Variants in KHDRBS3 observed in about 807,000 individuals in gnomAD.
The protein encoded by KHDRBS3 is KH domain-containing, RNA-binding, signal transduction-associated protein 3.
Under a neutral mutation model 45.6 loss-of-function variants are expected in KHDRBS3, and 23 were observed. The observed-to-expected ratio is 0.50, with a 90% CI of 0.36 to 0.72. KHDRBS3 has a LOEUF of 0.72. KHDRBS3 is among the 30% of genes least tolerant of loss of function. The pLI, the probability that KHDRBS3 is intolerant of heterozygous loss-of-function variation, is 0.00. For missense variants in KHDRBS3, 352 were observed against 424.8 expected, an observed-to-expected ratio of 0.83 and a Z score of 1.51; for synonymous variants, 162 against 156.5, an observed-to-expected ratio of 1.04 and a Z score of -0.26.
chr8:135,508,459 C>G (rs1322861926), intron 1 of KHDRBS3, among the ~76,000 whole-genome samples: 2 of 152,150 alleles, frequency 1.3e-5, no homozygotes, highest in Non-Finnish European at 2.9e-5. Context: ...AATCATAAAA[C>G]CTTTTTTAAT....
intron 7 of KHDRBS3, among the ~76,000 whole-genome samples, chr8:135,615,172 G>C (rs984915482): frequency 2.0e-5 from 3 of 151,710 alleles, no homozygotes; most frequent in African/African-American, 7.3e-5. Context: ...TTTAAAACTG[G>C]ATTTTACAAG....
At chr8:135,628,455 ATGT>A (rs1830463466) in intron 7 of KHDRBS3, among the ~76,000 whole-genome samples, 1 of 152,352 alleles carries the variant, frequency 6.6e-6, no homozygotes. Flanking sequence ...TGGCAGAAAA[ATGT>A]TGTTTTTAAA....
At chr8:135,547,409 G>T (rs962017842) in intron 3 of KHDRBS3, among the ~76,000 whole-genome samples, 2 of 152,064 alleles carry the variant, frequency 1.3e-5, no homozygotes, top group Non-Finnish European at 2.9e-5. Context: ...CAGTAGTTCT[G>T]CATTAATATA....
chr8:135,578,065 G>T (rs1322673831), intron 5 of KHDRBS3, among the ~76,000 whole-genome samples: 2 of 152,090 alleles, frequency 1.3e-5, no homozygotes. Flanking sequence ...TATTTTGCCT[G>T]CTTTTTAAGT....
chr8:135,531,956 A>T (rs2130715444), intron 2 of KHDRBS3, among the ~76,000 whole-genome samples: 1 of 152,340 alleles, frequency 6.6e-6, no homozygotes, highest in Middle Eastern at 3.4e-3. Context: ...GGAATGACTT[A>T]TTCTTAGGAC....
intron 6 of KHDRBS3, among the ~76,000 whole-genome samples, chr8:135,599,838 G>A (rs1424708238): frequency 4.6e-5 from 7 of 152,246 alleles, no homozygotes; most frequent in African/African-American, 4.8e-5. Flanking sequence ...CAGCCTGTGC[G>A]GAGGAATTGC....
intron 5 of KHDRBS3, among the ~76,000 whole-genome samples, chr8:135,578,188 C>T (rs902381533): frequency 1.3e-5 from 2 of 151,996 alleles, no homozygotes; most frequent in African/African-American, 4.8e-5. Flanking sequence ...TGTGGCTTGT[C>T]TCTTTATCTC....
intron 2 of KHDRBS3, among the ~76,000 whole-genome samples, chr8:135,529,136 T>C (rs142141219): frequency 6.6e-6 from 1 of 152,342 alleles, no homozygotes. Context: ...TTAGAGAAAC[T>C]GGTTGGCGCA....
chr8:135,624,015 A>G (rs1014262351), intron 7 of KHDRBS3, among the ~76,000 whole-genome samples: 8 of 152,238 alleles, frequency 5.3e-5, no homozygotes, highest in African/African-American at 1.9e-4. Flanking sequence ...ACACGGTGCT[A>G]TATTTTCTGC....
At chr8:135,625,858 C>A in intron 7 of KHDRBS3, 1 of 768,924 alleles carries the variant, frequency 1.3e-6, no homozygotes, top group African/African-American at 1.7e-5. Context: ...CACTAGGCAG[C>A]CCCTGAGCAC....
intron 5 of KHDRBS3, among the ~76,000 whole-genome samples, chr8:135,559,594 C>G (rs1055473669): frequency 5.3e-5 from 8 of 152,288 alleles, no homozygotes; most frequent in African/African-American, 1.9e-4. Context: ...AACTCCTGAC[C>G]TCGTGATCTG....
intron 1 of KHDRBS3, among the ~76,000 whole-genome samples, chr8:135,501,276 C>G (rs1374117514): frequency 6.6e-6 from 1 of 152,200 alleles, no homozygotes; most frequent in Non-Finnish European, 1.5e-5. Context: ...TTAAGGTCTT[C>G]AGACATATCC....
chr8:135,480,797 A>C (rs1255385269), intron 1 of KHDRBS3, among the ~76,000 whole-genome samples: 2 of 152,198 alleles, frequency 1.3e-5, no homozygotes, highest in African/African-American at 2.4e-5. Context: ...TTAAGTCGTC[A>C]GAAAGTTGTG....
At chr8:135,648,299 T>C (rs1444137142), downstream of KHDRBS3, among the ~76,000 whole-genome samples, 2 of 152,190 alleles carry the variant, frequency 1.3e-5, no homozygotes, top group African/African-American at 2.4e-5. Context: ...CTTAGTTTAG[T>C]CAGTTTAATT....
chr8:135,564,958 C>T (rs1827338435), intron 5 of KHDRBS3, among the ~76,000 whole-genome samples: 1 of 152,088 alleles, frequency 6.6e-6, no homozygotes, highest in Non-Finnish European at 1.5e-5. Flanking sequence ...GGTTTCATAG[C>T]GTTCTAAATG....
At chr8:135,568,004 G>C (rs1197334251) in intron 5 of KHDRBS3, among the ~76,000 whole-genome samples, 2 of 152,130 alleles carry the variant, frequency 1.3e-5, no homozygotes, top group African/African-American at 4.8e-5. Context: ...AGTCAGATGG[G>C]GGCAGCACTG....
intron 1 of KHDRBS3, among the ~76,000 whole-genome samples, chr8:135,479,213 C>A (rs974434757): frequency 6.6e-6 from 1 of 152,118 alleles, no homozygotes; most frequent in African/African-American, 2.4e-5. Flanking sequence ...AAATTAGATA[C>A]CTTAGATGAA....
chr8:135,598,846 C>T (rs1244850585), intron 6 of KHDRBS3, among the ~76,000 whole-genome samples: 7 of 152,098 alleles, frequency 4.6e-5, no homozygotes, highest in African/African-American at 1.4e-4. Context: ...AAACTTTTTA[C>T]GTGTTGAAGT....
At position 135,560,783 on chromosome 8, in the gene KHDRBS3, A is replaced by G. The variant is rs532265830; in HGVS notation, c.611+3196A>G. 6.6e-5 allele frequency among the ~76,000 whole-genome samples: 10 copies of G among 152,260 alleles called. No homozygotes were observed. The South Asian group carries it at 1.0e-3, about 16-fold the overall frequency. ...TGTGATAGCATTATTTTTAAGTTCA[A>G]ATTTTAGACCCTAGTTTCAGTTTGT... On this transcript the variant is annotated intron_variant, in intron 5 of 8. Coordinates refer to ENST00000355849, the MANE Select transcript of KHDRBS3 (RefSeq NM_006558.3).
Sources: gnomAD v4.1 joint callset for allele counts (sites outside exome capture counted in the v4.1 genomes callset) on GRCh38, gnomAD v4.1.1 for gene constraint, MANE v1.5 for transcripts, NCBI Gene and HGNC (gene_info 2026-07-23, HGNC 2026-07-21) for gene names.